The following MCFD2 variants were observed in gnomAD, a reference collection of about 807,000 sequenced individuals.
MCFD2 encodes the protein multiple coagulation factor deficiency 2, ER cargo receptor complex subunit.
In MCFD2, 11 loss-of-function variants were observed where a neutral mutation model predicts 12.8. The ratio of observed to expected loss-of-function variants is 0.86; its 90% CI spans 0.54 to 1.42. The LOEUF (loss-of-function observed/expected upper bound fraction) is 1.42, where lower values mean the gene tolerates loss of function less well. MCFD2 is among the 40% of genes most tolerant of loss of function. MCFD2 has a pLI of 0.00. For synonymous variants in MCFD2, 70 were observed against 68.1 expected (o/e 1.03, Z -0.14); for missense variants, 191 against 178.6 (o/e 1.07, Z -0.40).
rs1670204003 is a variant in MCFD2, at chr2:46,940,069, C to T, written c.-8+1503G>A. Among the ~76,000 whole-genome samples, 1 of 152,080 alleles carries T rather than the reference C, an allele frequency of 6.6e-6. No individual in the cohort carries two copies. Among genetic ancestry groups the T allele is most frequent in the South Asian group, 2.1e-4 (1 of 4,830 alleles). On this transcript the variant is annotated intron_variant, in intron 1 of 2. Coordinates refer to the MCFD2 transcript ENST00000409147. This position sits in a 1 kb window ranked among gnomAD's most constrained non-coding sequence, Gnocchi z 4.7. Reference sequence around the variant, plus strand: ...CATGGGAGTCGGGGGTCAGTGGGAACAGGAAGACTGTCTTCAACTAATCAC... The same window carrying T: ...CATGGGAGTCGGGGGTCAGTGGGAATAGGAAGACTGTCTTCAACTAATCAC...
At chr2:46,929,135 C>T (rs539422912) in intron 1 of MCFD2, among the ~76,000 whole-genome samples, 13 of 152,246 alleles carry the variant, frequency 8.5e-5, no homozygotes, top group African/African-American at 3.1e-4. Flanking sequence ...TGCACCCCAG[C>T]CTGGGGCAAT....
At chr2:46,919,222 T>C (rs1313375903), upstream of MCFD2, among the ~76,000 whole-genome samples, 2 of 152,200 alleles carry the variant, frequency 1.3e-5, no homozygotes, top group African/African-American at 4.8e-5. Context: ...TAGAAAAATA[T>C]TGAATAAAAA....
intron 1 of MCFD2, among the ~76,000 whole-genome samples, chr2:46,936,864 T>C (rs1424621181): frequency 6.6e-6 from 1 of 151,754 alleles, no homozygotes; most frequent in Admixed American, 6.6e-5. Flanking sequence ...TCCAAATTTT[T>C]TTTTTTTTTT....
intron 1 of MCFD2, among the ~76,000 whole-genome samples, chr2:46,924,018 G>A (rs1669254479): frequency 6.6e-6 from 1 of 151,948 alleles, no homozygotes; most frequent in South Asian, 2.1e-4. Flanking sequence ...TTACAGGTGT[G>A]AGCCACTGTG....
rs11675741 is a variant in MCFD2, at chr2:46,902,649, T to A, written c.*2814A>T. The stretch of plus-strand genomic sequence containing the variant: ...CCAAAATGTCAGAGGATACAGAATC[T>A]TAGACTCTGTGGCTAGGCTGAACTC... On this transcript the variant is annotated 3_prime_UTR_variant, in exon 4 of 4. Transcript: ENST00000319466. The A allele has an allele frequency of 6.6e-6, 1 of 152,630 alleles. No homozygotes were observed. The highest frequency in any genetic ancestry group is 2.4e-5 in the African/African-American group (1 of 41,448). 9.5% of individuals were successfully genotyped at this position (152,630 alleles called of 1,614,324 possible). A position where few individuals can be genotyped will look rare whatever the true frequency, so the allele number is the denominator to read the frequency against.
At chr2:46,914,542 C>T (rs753638890) in intron 1 of MCFD2, among the ~76,000 whole-genome samples, 1 of 152,172 alleles carries the variant, frequency 6.6e-6, no homozygotes, top group Non-Finnish European at 1.5e-5. Flanking sequence ...ATAACTTGAT[C>T]TATTTGTTCA....
chr2:46,933,099 A>C (rs1424091158), intron 1 of MCFD2, among the ~76,000 whole-genome samples: 1 of 152,190 alleles, frequency 6.6e-6, no homozygotes, highest in East Asian at 1.9e-4. Flanking sequence ...GTAGCTGGGC[A>C]GAGAACCAGC....
intron 1 of MCFD2, among the ~76,000 whole-genome samples, chr2:46,929,971 GT>G (rs1669604895): frequency 6.6e-6 from 1 of 152,190 alleles, no homozygotes; most frequent in African/African-American, 2.4e-5. Flanking sequence ...GAGCCCCAGA[GT>G]GAAGAAATAT....
At chr2:46,938,158 G>A (rs1262037656) in intron 1 of MCFD2, among the ~76,000 whole-genome samples, 1 of 151,994 alleles carries the variant, frequency 6.6e-6, no homozygotes, top group Non-Finnish European at 1.5e-5. Flanking sequence ...AAGAGCCCTA[G>A]AATTAAGAAA....
At chr2:46,924,420 T>G (rs1341658241) in intron 1 of MCFD2, among the ~76,000 whole-genome samples, 1 of 152,144 alleles carries the variant, frequency 6.6e-6, no homozygotes, top group East Asian at 1.9e-4. Context: ...ACTGAAAGCT[T>G]GGGTTTTACA....
At chr2:46,938,829 T>A (rs964659571) in intron 1 of MCFD2, among the ~76,000 whole-genome samples, 1 of 151,410 alleles carries the variant, frequency 6.6e-6, no homozygotes, top group Non-Finnish European at 1.5e-5. Context: ...CTGGCCAACA[T>A]AGTGAAACCC....
chr2:46,909,016 T>A lies in MCFD2; in HGVS notation c.149+7A>T. On this transcript the variant is annotated splice_region_variant and intron_variant, in intron 2 of 3. Coordinates refer to ENST00000319466, the MANE Select transcript of MCFD2 (RefSeq NM_139279.6). ...CCACTGGACCACAGCCCGGGCTGAA[T>A]ACGTACTCTTGGTCGTGCACTGTGT... 1.2e-6 allele frequency: 2 copies of A among 1,614,184 alleles called. No homozygotes were observed. Among genetic ancestry groups the A allele is most frequent in the African/African-American group, 2.7e-5 (2 of 75,058 alleles).
chr2:46,918,047 T>G (rs553930584), upstream of MCFD2, among the ~76,000 whole-genome samples: 1 of 152,344 alleles, frequency 6.6e-6, no homozygotes, highest in Admixed American at 6.5e-5. Context: ...CTCCAAAATA[T>G]GTCTCTCTGA....
In MCFD2 at chr2:46,909,147, T is replaced by C; in HGVS notation, c.25A>G (p.Thr9Ala). The change falls in exon 2 of 4, where the codon ACC (threonine) becomes GCC (alanine). Residue 9 changes from threonine (T) to alanine (A), a missense_variant. Thr to Ala is a moderately conservative substitution (Grantham distance 58). Transcript: ENST00000319466. ...CAGAGCAGGCCACACAGGAAGGGGG[T>C]TCTGAGCAGGGATCTCATGGTCATC... MTMRSLLR[T>A]PFLCGLLWAF... 1 of 1,613,810 alleles carries C rather than the reference T, an allele frequency of 6.2e-7. No homozygotes were observed. The highest frequency in any genetic ancestry group is 8.5e-7 in the Non-Finnish European group (1 of 1,179,946).
chr2:46,903,887 T>G lies in MCFD2; in HGVS notation c.*1576A>C, dbSNP rs1471300690. ...GAAATTCAAGCCAGCTGCAGAAATT[T>G]GCATAAGTAGCAAGGAGCCTAATGT... On this transcript the variant is annotated 3_prime_UTR_variant, in exon 4 of 4. Transcript: ENST00000319466. The G allele has an allele frequency of 6.6e-6, 1 of 152,214 alleles. No homozygotes were observed. The highest frequency in any genetic ancestry group is 2.4e-5 in the African/African-American group (1 of 41,458). The allele number at this position is 152,214 out of a possible 1,614,324, so 9.4% of individuals were successfully genotyped here.
chr2:46,936,785 A>T (rs1392382481), intron 1 of MCFD2, among the ~76,000 whole-genome samples: 1 of 152,204 alleles, frequency 6.6e-6, no homozygotes, highest in Non-Finnish European at 1.5e-5. Context: ...CAAAGTGAAC[A>T]CAATTCCAAA....
Position 46,902,324 on chromosome 2 carries a change from A to G in MCFD2, c.*3139T>C, listed in dbSNP as rs1355350063. 1 of 152,648 alleles carries G rather than the reference A, an allele frequency of 6.6e-6. No homozygotes were observed. The highest frequency in any genetic ancestry group is 1.5e-5 in the Non-Finnish European group (1 of 68,028). 9.5% of individuals were successfully genotyped at this position (152,648 alleles called of 1,614,324 possible). ...CTTGACTAGAACTTCTATCTGATTA[A>G]TCATTGTTTGGTGAATTATCTTTTC... On this transcript the variant is annotated 3_prime_UTR_variant, in exon 4 of 4. Transcript: ENST00000319466.
Position 46,908,129 on chromosome 2 carries a change from A to C in MCFD2, c.150-160T>G, listed in dbSNP as rs146034247. On this transcript the variant is annotated intron_variant, in intron 2 of 3. Coordinates refer to ENST00000319466, the MANE Select transcript of MCFD2 (RefSeq NM_139279.6). The surrounding 1 kb of genome is among the most constrained non-coding windows in gnomAD (Gnocchi z 4.5). ...CTCAAGGATTACACAGAGATAGACA[A>C]GGCCTTGAGAGGAGCAGGAAAAGTC... 1,115 of 748,018 alleles carry C rather than the reference A, an allele frequency of 1.5e-3. 10 individuals carry two copies. The African/African-American group carries it at 0.018, about 12-fold the overall frequency. The allele number at this position is 748,018 out of a possible 1,614,324, so 46.3% of individuals were successfully genotyped here.
At chr2:46,919,762 G>A (rs925405871), upstream of MCFD2, among the ~76,000 whole-genome samples, 3 of 152,184 alleles carry the variant, frequency 2.0e-5, no homozygotes, top group Admixed American at 2.0e-4. Flanking sequence ...GAAAAAACAA[G>A]GGTGCGGCTT....
Sources: gnomAD v4.1 joint callset for allele counts (sites outside exome capture counted in the v4.1 genomes callset) on GRCh38, gnomAD v4.1.1 for gene constraint, Gnocchi (gnomAD v3.1) non-coding constraint, MANE v1.5 for transcripts, NCBI Gene and HGNC (gene_info 2026-07-23, HGNC 2026-07-21) for gene names.